Variants in LETM2 observed in about 807,000 individuals in gnomAD.
The protein encoded by LETM2 is leucine zipper and EF-hand containing transmembrane protein 2.
Under a neutral mutation model 59.6 loss-of-function variants are expected in LETM2, and 58 were observed. The ratio of observed to expected loss-of-function variants is 0.97; its 90% CI spans 0.79 to 1.21. The LOEUF is 1.21. LETM2 is among the 50% of genes most tolerant of loss of function. The pLI is 0.00. For missense variants in LETM2, 572 were observed against 575.7 expected (o/e 0.99, Z 0.07); for synonymous variants, 199 against 214.1 (o/e 0.93, Z 0.62).
chr8:38,395,795 C>T (rs931262371), intron 4 of LETM2, among the ~76,000 whole-genome samples: 11 of 152,262 alleles, frequency 7.2e-5, no homozygotes, highest in Admixed American at 6.5e-4. Context: ...GGATTACAGG[C>T]GTGAGCCACT....
Position 38,400,976 on chromosome 8 carries a change from T to C in LETM2, c.907T>C (p.Leu303=), listed in dbSNP as rs372326518. The change falls in exon 6 of 11, where the codon TTG becomes CTG. Residue 303 remains leucine, a synonymous_variant. Coordinates refer to ENST00000379957, the MANE Select transcript of LETM2 (RefSeq NM_001286819.2). ...GGTTGCCCTTTGCAAACTGCTGGAATTGCAGACATTTGGAACCAACAACCT... is the reference window on the plus strand; with the variant it reads ...GGTTGCCCTTTGCAAACTGCTGGAACTGCAGACATTTGGAACCAACAACCT... ...QLVALCKLLE[L]QTFGTNNLLR... is the part of the protein sequence containing the mutation. The C allele has an allele frequency of 1.2e-5, 19 of 1,614,062 alleles. No individual in the cohort carries two copies. Among genetic ancestry groups the C allele is most frequent in the Non-Finnish European group, 1.6e-5 (19 of 1,180,030 alleles).
chr8:38,400,528 T>G (rs1055036026), intron 5 of LETM2, 119 bp downstream of exon 5: 48 of 946,830 alleles, frequency 5.1e-5, no homozygotes, highest in Middle Eastern at 2.2e-4. Flanking sequence ...ATCTAAATTA[T>G]GAACATATAA....
At chr8:38,396,140 G>T (rs1812660657) in intron 4 of LETM2, among the ~76,000 whole-genome samples, 1 of 151,488 alleles carries the variant, frequency 6.6e-6, no homozygotes, top group Non-Finnish European at 1.5e-5. Flanking sequence ...ATTTATGTCT[G>T]TGATCCATTT....
At chr8:38,406,752 C>CA in intron 8 of LETM2, 194 bp from the exon 9 acceptor site, 2 of 473,102 alleles carry the variant, frequency 4.2e-6, no homozygotes, top group East Asian at 3.0e-5. Flanking sequence ...ACTCAAAACT[C>CA]AAAGAGAAAT....
At chr8:38,408,034 G>A in intron 10 of LETM2, 178 bp from the exon 11 acceptor site, 2 of 559,118 alleles carry the variant, frequency 3.6e-6, no homozygotes, top group South Asian at 4.0e-5. Context: ...AGCATCCCAA[G>A]GCACACACAT....
Position 38,408,897 on chromosome 8 carries a change from C to G in LETM2, c.*623C>G, listed in dbSNP as rs1813962550. ...GAGGCTGCAGCAATCTGTGAGGCAGCCGCAATCTGCGAGGCAGCCACTCTT... is the reference window on the plus strand; with the variant it reads ...GAGGCTGCAGCAATCTGTGAGGCAGGCGCAATCTGCGAGGCAGCCACTCTT... On this transcript the variant is annotated 3_prime_UTR_variant, in exon 11 of 11. Transcript: ENST00000379957. 6.6e-6 allele frequency: 1 copy of G among 152,382 alleles called. No homozygotes were observed. Among genetic ancestry groups the G allele is most frequent in the African/African-American group, 2.4e-5 (1 of 41,450 alleles). 9.4% of individuals were successfully genotyped at this position (152,382 alleles called of 1,614,324 possible).
chr8:38,407,142 C>T, intron 9 of LETM2, 104 bp downstream of exon 9: 1 of 756,612 alleles, frequency 1.3e-6, no homozygotes, highest in Non-Finnish European at 2.3e-6. Context: ...AAATTCAATA[C>T]AATAATGTTC....
intron 3 of LETM2, chr8:38,393,712 T>G (rs1225154426): frequency 2.4e-5 from 4 of 166,970 alleles, no homozygotes; most frequent in Non-Finnish European, 5.1e-5. Flanking sequence ...CTAACATAGA[T>G]GAAGTCTAGG....
chr8:38,397,655 T>C (rs537691425), intron 4 of LETM2, among the ~76,000 whole-genome samples: 1 of 152,092 alleles, frequency 6.6e-6, no homozygotes, highest in East Asian at 1.9e-4. Context: ...CCTTTCACCA[T>C]GGTGAATAAT....
chr8:38,395,609 G>T (rs570446116), intron 4 of LETM2, among the ~76,000 whole-genome samples: 2 of 151,942 alleles, frequency 1.3e-5, no homozygotes, highest in Admixed American at 6.6e-5. Flanking sequence ...TCTGCTTCCC[G>T]GGTTCAAGTG....
intron 4 of LETM2, among the ~76,000 whole-genome samples, chr8:38,397,966 C>T (rs1585997810): frequency 1.3e-5 from 2 of 151,868 alleles, no homozygotes; most frequent in South Asian, 2.1e-4. Flanking sequence ...ATGGTGAAAC[C>T]CCATCTCTAC....
intron 8 of LETM2, among the ~76,000 whole-genome samples, chr8:38,405,136 G>A (rs1030235992): frequency 6.6e-6 from 1 of 152,132 alleles, no homozygotes; most frequent in Non-Finnish European, 1.5e-5. Context: ...GTGGGTGTGG[G>A]TGTTTCTGCT....
At chr8:38,393,105 A>T in intron 3 of LETM2, 110 bp downstream of exon 3, 1 of 923,768 alleles carries the variant, frequency 1.1e-6, no homozygotes. Flanking sequence ...CCAGAGTAGG[A>T]ATAATAACTG....
At chr8:38,394,032 G>T in intron 3 of LETM2, 66 bp from the exon 4 acceptor site, 2 of 1,270,376 alleles carry the variant, frequency 1.6e-6, no homozygotes, top group Non-Finnish European at 2.0e-6. Context: ...TTTTGGTTTT[G>T]TTTTTCATTT....
upstream of LETM2, chr8:38,383,580 GC>G (rs1811662096): frequency 6.6e-6 from 1 of 151,818 alleles, no homozygotes; most frequent in Non-Finnish European, 1.5e-5. Context: ...ATTTAAAAGG[GC>G]ACTAATTATG....
In LETM2 at chr8:38,402,513, C is replaced by T. The variant is rs765239567; in HGVS notation, c.985-12C>T. ...TCAAAAGTTCCAACTCCATCCCTTA[C>T]ATTTCTTTCAGATAATTGCCAAGGA... On this transcript the variant is annotated splice_polypyrimidine_tract_variant and intron_variant, in intron 6 of 10. Coordinates refer to ENST00000379957, the MANE Select transcript of LETM2 (RefSeq NM_001286819.2). 1 of 1,613,408 alleles carries T rather than the reference C, an allele frequency of 6.2e-7. No individual in the cohort carries two copies. Among genetic ancestry groups the T allele is most frequent in the Non-Finnish European group, 8.5e-7 (1 of 1,179,476 alleles).
At chr8:38,400,007 C>A (rs1321434387) in intron 4 of LETM2, among the ~76,000 whole-genome samples, 2 of 151,912 alleles carry the variant, frequency 1.3e-5, no homozygotes, top group African/African-American at 4.8e-5. Context: ...AATTATAAAG[C>A]CTCCCATTGG....
chr8:38,398,807 C>T (rs1812902871), intron 4 of LETM2, among the ~76,000 whole-genome samples: 1 of 149,472 alleles, frequency 6.7e-6, no homozygotes, highest in Admixed American at 6.7e-5. Flanking sequence ...ACTGCATCCT[C>T]CCCCCAGGTT....
chr8:38,404,611 T>C (rs1187726716), intron 8 of LETM2, 105 bp downstream of exon 8: 2 of 747,506 alleles, frequency 2.7e-6, no homozygotes. Context: ...CTTTTGGCCT[T>C]TTAGAATTTG....
Sources: gnomAD v4.1 joint callset for allele counts (sites outside exome capture counted in the v4.1 genomes callset) on GRCh38, gnomAD v4.1.1 for gene constraint, MANE v1.5 for transcripts, NCBI Gene and HGNC (gene_info 2026-07-23, HGNC 2026-07-21) for gene names.